PIP5K1B: variants seen among roughly 807,000 people sequenced by gnomAD.
PIP5K1B encodes phosphatidylinositol 4-phosphate 5-kinase type-1 beta.
Under a neutral mutation model 67.0 loss-of-function variants are expected in PIP5K1B, and 42 were observed. The observed-to-expected ratio is 0.63, with a 90% CI of 0.49 to 0.81. The LOEUF (loss-of-function observed/expected upper bound fraction) is 0.81, where lower values mean the gene tolerates loss of function less well. Ranked by LOEUF, PIP5K1B falls within the 30% of genes least tolerant of loss-of-function variation. The pLI, the probability that PIP5K1B is intolerant of heterozygous loss-of-function variation, is 0.00. For synonymous variants in PIP5K1B, 214 were observed against 231.4 expected, an observed-to-expected ratio of 0.92 and a Z score of 0.68; for missense variants, 459 against 646.3, an observed-to-expected ratio of 0.71 and a Z score of 3.14.
At chr9:68,745,924 GC>G (rs1176143934) in intron 2 of PIP5K1B, among the ~76,000 whole-genome samples, 7 of 152,100 alleles carry the variant, frequency 4.6e-5, no homozygotes, top group African/African-American at 1.4e-4. Context: ...CAAATGGTAA[GC>G]CCCATAAAGG....
chr9:68,968,503 CAAAA>C (rs35997709), intron 14 of PIP5K1B, among the ~76,000 whole-genome samples: 1 of 132,102 alleles, frequency 7.6e-6, no homozygotes, highest in Non-Finnish European at 1.6e-5. Context: ...GACTCTGTCT[CAAAA>C]AAAAAAAAAA....
chr9:68,852,928 G>C (rs1190709556), intron 4 of PIP5K1B, among the ~76,000 whole-genome samples: 2 of 151,958 alleles, frequency 1.3e-5, no homozygotes, highest in Non-Finnish European at 2.9e-5. Context: ...TTTTTTATAG[G>C]ACTTGGTATT....
chr9:68,876,649 C>A, intron 5 of PIP5K1B, 28 bp from the exon 6 acceptor site: 1 of 1,220,276 alleles, frequency 8.2e-7, no homozygotes, highest in Non-Finnish European at 1.2e-6. Context: ...TTCTTTCTTT[C>A]TCTCTCTTTT....
intron 7 of PIP5K1B, among the ~76,000 whole-genome samples, chr9:68,891,211 C>G (rs1824767431): frequency 2.0e-5 from 3 of 152,218 alleles, no homozygotes; most frequent in Admixed American, 2.0e-4. Context: ...GATCAAGCCA[C>G]TGTACTCCAG....
chr9:68,861,022 A>G (rs1823035085), intron 4 of PIP5K1B, among the ~76,000 whole-genome samples: 1 of 152,232 alleles, frequency 6.6e-6, no homozygotes, highest in Admixed American at 6.5e-5. Context: ...ACACTACATT[A>G]GTATGTGCTA....
chr9:68,996,983 T>C (rs1017096229), intron 15 of PIP5K1B, among the ~76,000 whole-genome samples: 2 of 152,172 alleles, frequency 1.3e-5, no homozygotes, highest in African/African-American at 4.8e-5. Flanking sequence ...CTGTTTGAAA[T>C]ACAAAAATAG....
rs568993214 is a variant in PIP5K1B at position 68,787,734 on chromosome 9, G to T, written c.-85-30727G>T. 2.3e-3 allele frequency among the ~76,000 whole-genome samples: 345 copies of T among 152,226 alleles called. 1 individual carries two copies. Among genetic ancestry groups the T allele is most frequent in the African/African-American group, 8.0e-3 (331 of 41,540 alleles). On this transcript the variant is annotated intron_variant, in intron 2 of 15. Transcript: ENST00000265382. Reference sequence around the variant, plus strand: ...TGCAACCTCCGCCTCCCGGGTTCAAGTGATACTCCTGCTTCAGCCTCCTGA... The same window carrying T: ...TGCAACCTCCGCCTCCCGGGTTCAATTGATACTCCTGCTTCAGCCTCCTGA...
At chr9:68,804,653 A>G (rs1832773773) in intron 2 of PIP5K1B, among the ~76,000 whole-genome samples, 1 of 147,268 alleles carries the variant, frequency 6.8e-6, no homozygotes, top group Non-Finnish European at 1.5e-5. Flanking sequence ...GCGCAGTGGC[A>G]TGATCATAGC....
At chr9:68,995,776 GCC>G (rs1295476091) in intron 15 of PIP5K1B, among the ~76,000 whole-genome samples, 1 of 144,478 alleles carries the variant, frequency 6.9e-6, no homozygotes, top group African/African-American at 2.6e-5. Flanking sequence ...TTGCACTCCA[GCC>G]TGGGCAACAA....
chr9:68,763,518 G>A (rs958419528), intron 2 of PIP5K1B, among the ~76,000 whole-genome samples: 2 of 152,068 alleles, frequency 1.3e-5, no homozygotes, highest in African/African-American at 4.8e-5. Flanking sequence ...TATTACATGA[G>A]GTTGAAAAAT....
intron 8 of PIP5K1B, among the ~76,000 whole-genome samples, chr9:68,900,187 T>C (rs1333142919): frequency 6.6e-6 from 1 of 152,230 alleles, no homozygotes; most frequent in African/African-American, 2.4e-5. Context: ...TCTAGGTTGA[T>C]TCTATGTCTT....
At chr9:68,711,818 C>T (rs1282931134) in intron 1 of PIP5K1B, among the ~76,000 whole-genome samples, 3 of 152,074 alleles carry the variant, frequency 2.0e-5, no homozygotes, top group East Asian at 1.9e-4. Flanking sequence ...ATTCAGTAAG[C>T]GTAGTTCTCA....
chr9:68,958,012 A>G (rs1341602797), intron 14 of PIP5K1B, among the ~76,000 whole-genome samples: 1 of 151,904 alleles, frequency 6.6e-6, no homozygotes. Context: ...AGCTGGGACT[A>G]CAGGCATGCA....
At chr9:68,951,067 G>A (rs931236844) in intron 14 of PIP5K1B, among the ~76,000 whole-genome samples, 4 of 152,298 alleles carry the variant, frequency 2.6e-5, no homozygotes, top group Non-Finnish European at 5.9e-5. Context: ...AGGGAACTAG[G>A]AGACAATGTT....
intron 2 of PIP5K1B, chr9:68,780,332 G>T (rs1311794982): frequency 1.9e-6 from 3 of 1,606,186 alleles, no homozygotes. Flanking sequence ...CCGAGGCGCC[G>T]AGCGCCAGGC....
intron 15 of PIP5K1B, among the ~76,000 whole-genome samples, chr9:69,003,960 T>A (rs1830943928): frequency 6.6e-6 from 1 of 152,240 alleles, no homozygotes; most frequent in Non-Finnish European, 1.5e-5. Flanking sequence ...CTTATTGCTC[T>A]GTATTAGTGT....
chr9:68,937,278 C>T (rs1483914483), intron 13 of PIP5K1B, among the ~76,000 whole-genome samples: 2 of 152,206 alleles, frequency 1.3e-5, no homozygotes, highest in Non-Finnish European at 2.9e-5. Flanking sequence ...ATTACTGCCT[C>T]AATTTCAGAA....
intron 14 of PIP5K1B, among the ~76,000 whole-genome samples, chr9:68,982,165 A>G (rs1390866901): frequency 6.6e-6 from 1 of 152,152 alleles, no homozygotes; most frequent in Non-Finnish European, 1.5e-5. Context: ...CTGTAACTGG[A>G]TCTTCCCAAG....
intron 4 of PIP5K1B, among the ~76,000 whole-genome samples, chr9:68,826,663 T>C (rs1834001452): frequency 1.3e-5 from 2 of 152,082 alleles, no homozygotes; most frequent in South Asian, 4.1e-4. Context: ...TTACAACTTA[T>C]TTGGGAGAAA....
Sources: gnomAD v4.1 joint callset for allele counts (sites outside exome capture counted in the v4.1 genomes callset) on GRCh38, gnomAD v4.1.1 for gene constraint, MANE v1.5 for transcripts, NCBI Gene and HGNC (gene_info 2026-07-23, HGNC 2026-07-21) for gene names.